BNC2: variants seen among roughly 807,000 people sequenced by gnomAD.
BNC2 encodes basonuclin zinc finger protein 2.
BNC2 carries 20 observed loss-of-function variants against 76.3 expected under a neutral mutation model. That is an observed-to-expected ratio of 0.26 (90% CI 0.18 to 0.38). The LOEUF is 0.38. BNC2 is among the 10% of genes least tolerant of loss of function. The pLI, the probability that BNC2 is intolerant of heterozygous loss-of-function variation, is 1.00. For missense variants in BNC2, 1,382 were observed against 1,399.8 expected (o/e 0.99, Z 0.20); for synonymous variants, 582 against 514.8 (o/e 1.13, Z -1.77).
At chr9:16,677,606 C>CACACACACAG (rs1455196025) in intron 3 of BNC2, among the ~76,000 whole-genome samples, 10 of 151,284 alleles carry the variant, frequency 6.6e-5, no homozygotes, top group African/African-American at 2.5e-4. Flanking sequence ...CACACACACA[C>CACACACACAG]AGTAGCAATA....
chr9:16,778,014 G>A (rs1460758250), intron 1 of BNC2, among the ~76,000 whole-genome samples: 2 of 152,210 alleles, frequency 1.3e-5, no homozygotes, highest in African/African-American at 4.8e-5. Flanking sequence ...ATATATGTAT[G>A]TAGATGTGTA....
intron 3 of BNC2, among the ~76,000 whole-genome samples, chr9:16,637,450 T>C (rs192287147): frequency 2.9e-4 from 44 of 152,252 alleles, no homozygotes; most frequent in Admixed American, 1.3e-3. Context: ...GGGGCAAGCC[T>C]CCGCCAGGGA....
intron 1 of BNC2, among the ~76,000 whole-genome samples, chr9:16,831,886 T>C (rs1563962573): frequency 6.6e-6 from 1 of 152,194 alleles, no homozygotes; most frequent in Admixed American, 6.5e-5. Flanking sequence ...TGGCAATGGT[T>C]ATAACATGCA....
chr9:16,699,131 T>G (rs1179110483), intron 3 of BNC2: 3 of 456,868 alleles, frequency 6.6e-6, no homozygotes, highest in Non-Finnish European at 1.3e-5. Context: ...GTTTTTGTTT[T>G]TGTTTTGTCC....
At chr9:16,612,883 C>G (rs979372201) in intron 3 of BNC2, among the ~76,000 whole-genome samples, 1 of 152,150 alleles carries the variant, frequency 6.6e-6, no homozygotes, top group Non-Finnish European at 1.5e-5. Flanking sequence ...TCTTGTTTTA[C>G]TTGGCACCCA....
At chr9:16,816,815 C>T (rs1409487964) in intron 1 of BNC2, among the ~76,000 whole-genome samples, 1 of 152,142 alleles carries the variant, frequency 6.6e-6, no homozygotes, top group Non-Finnish European at 1.5e-5. Flanking sequence ...ATGCTCAAAG[C>T]ACTTTTCTTA....
chr9:16,727,788 G>A lies in BNC2; in HGVS notation c.330+9C>T, dbSNP rs755008471. 3 of 1,605,756 alleles carry A rather than the reference G, an allele frequency of 1.9e-6. No homozygotes were observed. Among genetic ancestry groups the A allele is most frequent in the Non-Finnish European group, 2.6e-6 (3 of 1,176,184 alleles). The stretch of plus-strand genomic sequence containing the variant: ...AAGAAAAAAAAAATCAAGAAAGAAA[G>A]TAACTTACCTGTTGGGACATTCTGA... On this transcript the variant is annotated intron_variant, in intron 3 of 6. Transcript: ENST00000380672.
intron 5 of BNC2, among the ~76,000 whole-genome samples, chr9:16,448,047 T>C (rs935068250): frequency 6.6e-6 from 1 of 152,100 alleles, no homozygotes; most frequent in Non-Finnish European, 1.5e-5. Context: ...GGACAGTCCC[T>C]GCAGCGGCCT....
chr9:16,490,300 C>T (rs565022486), intron 5 of BNC2, among the ~76,000 whole-genome samples: 2 of 152,212 alleles, frequency 1.3e-5, no homozygotes, highest in East Asian at 1.9e-4. Flanking sequence ...GAAGCAAAAG[C>T]GGAAACCCCT....
At chr9:16,836,360 G>A (rs1443561235) in intron 1 of BNC2, among the ~76,000 whole-genome samples, 3 of 152,012 alleles carry the variant, frequency 2.0e-5, no homozygotes, top group African/African-American at 7.3e-5. Flanking sequence ...TCAAACGAAT[G>A]CATATATAAA....
chr9:16,432,303 G>C (rs891197647), intron 6 of BNC2, among the ~76,000 whole-genome samples: 14 of 152,284 alleles, frequency 9.2e-5, no homozygotes, highest in East Asian at 3.9e-4. Flanking sequence ...TTTACACAAA[G>C]AGCATTCTTG....
chr9:16,664,507 G>A (rs1027220309), intron 3 of BNC2, among the ~76,000 whole-genome samples: 1 of 152,090 alleles, frequency 6.6e-6, no homozygotes, highest in African/African-American at 2.4e-5. Context: ...GAGACTGTCT[G>A]GGGACACTGA....
chr9:16,817,743 C>G (rs1280118452), intron 1 of BNC2, among the ~76,000 whole-genome samples: 1 of 152,198 alleles, frequency 6.6e-6, no homozygotes, highest in Non-Finnish European at 1.5e-5. Context: ...TTTGCTCATA[C>G]TGGAGACTTT....
intron 5 of BNC2, among the ~76,000 whole-genome samples, chr9:16,536,627 T>TTAAATAAAG (rs1230595313): frequency 6.6e-6 from 1 of 152,148 alleles, no homozygotes; most frequent in Non-Finnish European, 1.5e-5. Flanking sequence ...AACTGTAACA[T>TTAAATAAAG]TAAATAAAGC....
rs367837848 is a variant in BNC2 at position 16,788,350 on chromosome 9, G to A, written c.4-49865C>T. 7.4e-3 allele frequency among the ~76,000 whole-genome samples: 1,129 copies of A among 151,642 alleles called. 17 individuals are homozygous for A. Among genetic ancestry groups the A allele is most frequent in the African/African-American group, 0.025 (1,054 of 41,396 alleles). The stretch of plus-strand genomic sequence containing the variant: ...GGGCAGATCATGAAGTCAGGAGATC[G>A]AGACCATCCTGGCTAACATGGTGAA... On this transcript the variant is annotated intron_variant, in intron 1 of 6. Transcript: ENST00000380672.
intron 3 of BNC2, among the ~76,000 whole-genome samples, chr9:16,654,151 A>G (rs1821865310): frequency 6.6e-6 from 1 of 152,214 alleles, no homozygotes; most frequent in South Asian, 2.1e-4. Context: ...GAGAGGGACA[A>G]AAGCACAGGC....
chr9:16,523,712 G>A (rs1242842644), intron 5 of BNC2, among the ~76,000 whole-genome samples: 1 of 151,886 alleles, frequency 6.6e-6, no homozygotes, highest in East Asian at 2.0e-4. Flanking sequence ...ATCACCTGAG[G>A]TCAATAGTTC....
intron 4 of BNC2, among the ~76,000 whole-genome samples, chr9:16,553,005 C>T (rs1818711733): frequency 6.6e-6 from 1 of 152,034 alleles, no homozygotes; most frequent in Non-Finnish European, 1.5e-5. Flanking sequence ...CAGGCAACAA[C>T]AAATAGAAAA....
At chr9:16,685,313 A>G (rs1822942029) in intron 3 of BNC2, among the ~76,000 whole-genome samples, 1 of 152,240 alleles carries the variant, frequency 6.6e-6, no homozygotes, top group African/African-American at 2.4e-5. Flanking sequence ...TTCAGAGACC[A>G]TGTACTTACT....
Sources: gnomAD v4.1 joint callset for allele counts (sites outside exome capture counted in the v4.1 genomes callset) on GRCh38, gnomAD v4.1.1 for gene constraint, MANE v1.5 for transcripts, NCBI Gene and HGNC (gene_info 2026-07-23, HGNC 2026-07-21) for gene names.